Variants in ATP6V0D1 observed in about 807,000 individuals in gnomAD.
ATP6V0D1 encodes ATPase H+ transporting V0 subunit d1, also known as V-type proton ATPase subunit d 1.
In ATP6V0D1, 13 loss-of-function variants were observed where a neutral mutation model predicts 39.0. The observed-to-expected ratio is 0.33, with a 90% CI of 0.22 to 0.53. ATP6V0D1 has a LOEUF of 0.53. ATP6V0D1 is among the 20% of genes least tolerant of loss of function. ATP6V0D1 has a pLI of 0.94. For synonymous variants in ATP6V0D1, 191 were observed against 191.2 expected, an observed-to-expected ratio of 1.00 and a Z score of 0.01; for missense variants, 272 against 470.9, an observed-to-expected ratio of 0.58 and a Z score of 3.91.
intron 2 of ATP6V0D1, among the ~76,000 whole-genome samples, chr16:67,445,198 G>A (rs1251452771): frequency 6.6e-6 from 1 of 152,222 alleles, no homozygotes; most frequent in South Asian, 2.1e-4. Flanking sequence ...GGCATGGTCA[G>A]GACTGGCAGA....
Position 67,444,776 on chromosome 16 carries a change from C to G in ATP6V0D1, c.303-70G>C. On this transcript the variant is annotated intron_variant, in intron 2 of 7. Transcript: ENST00000290949. This position sits in a 1 kb window ranked among gnomAD's most constrained non-coding sequence, Gnocchi z 4.8. ...CGGGAAGTCCTGGCATAGCACCATG[C>G]CCTCGCCCGCCTGCACAGGCCATCA... 1 of 1,395,534 alleles carries G rather than the reference C, an allele frequency of 7.2e-7. No individual in the cohort carries two copies. 86.4% of individuals were successfully genotyped at this position (1,395,534 alleles called of 1,614,324 possible). A position where few individuals can be genotyped will look rare whatever the true frequency, so the allele number is the denominator to read the frequency against.
chr16:67,448,321 C>A (rs2041140480), intron 2 of ATP6V0D1, among the ~76,000 whole-genome samples: 1 of 151,324 alleles, frequency 6.6e-6, no homozygotes, highest in African/African-American at 2.4e-5. Context: ...CCACTGCACT[C>A]CAGCCTGGGC....
At chr16:67,446,063 C>A in intron 2 of ATP6V0D1, 1 of 416,484 alleles carries the variant, frequency 2.4e-6, no homozygotes, top group Non-Finnish European at 4.9e-6. Context: ...TAGGCCCCTG[C>A]CCTGTGACAG....
At position 67,447,110 on chromosome 16, in the gene ATP6V0D1, C is replaced by T. The variant is rs115758180; in HGVS notation, c.303-2404G>A. 7.4e-3 allele frequency among the ~76,000 whole-genome samples: 1,124 copies of T among 152,316 alleles called. 16 individuals are homozygous for T. Among genetic ancestry groups the T allele is most frequent in the African/African-American group, 0.026 (1,076 of 41,560 alleles). ...CGTCCCCCTCCTTGCGCCCCCCACTCAGGGCATCTGTTTATGTGGGGGAAA... is the reference window on the plus strand; with the variant it reads ...CGTCCCCCTCCTTGCGCCCCCCACTTAGGGCATCTGTTTATGTGGGGGAAA... On this transcript the variant is annotated intron_variant, in intron 2 of 7. Transcript: ENST00000290949. This position sits in a 1 kb window ranked among gnomAD's most constrained non-coding sequence, Gnocchi z 4.1.
chr16:67,478,873 A>AG (rs1403503652), intron 1 of ATP6V0D1, among the ~76,000 whole-genome samples: 1 of 152,204 alleles, frequency 6.6e-6, no homozygotes, highest in Non-Finnish European at 1.5e-5. Flanking sequence ...AGCGGACAGC[A>AG]GCAGGAGTGA....
chr16:67,445,508 C>T (rs2041105220), intron 2 of ATP6V0D1, among the ~76,000 whole-genome samples: 1 of 152,204 alleles, frequency 6.6e-6, no homozygotes, highest in African/African-American at 2.4e-5. Flanking sequence ...CAGACCTGCA[C>T]AGCCTATGCC....
intron 1 of ATP6V0D1, among the ~76,000 whole-genome samples, chr16:67,462,518 T>C (rs999217593): frequency 2.0e-5 from 3 of 152,232 alleles, no homozygotes; most frequent in African/African-American, 7.2e-5. Flanking sequence ...GTTATGGCAA[T>C]GTGCTGTGCT....
At chr16:67,480,045 A>G (rs1164379836) in intron 1 of ATP6V0D1, among the ~76,000 whole-genome samples, 1 of 131,266 alleles carries the variant, frequency 7.6e-6, no homozygotes, top group South Asian at 2.2e-4. Flanking sequence ...TAAAAATACA[A>G]AAAATTAGCC....
At chr16:67,439,707 C>T (rs2142295236) in intron 4 of ATP6V0D1, 1 of 308,780 alleles carries the variant, frequency 3.2e-6, no homozygotes, top group Non-Finnish European at 6.2e-6. Context: ...TCTTTCCAAA[C>T]CTCCCCTTCC....
rs1244665625 is a variant in ATP6V0D1, at chr16:67,463,594, AAAGAAAAAAG to A, written c.131-9889_131-9880del. Among the ~76,000 whole-genome samples the A allele has an allele frequency of 6.8e-4, 104 of 152,286 alleles. 1 individual carries two copies. The South Asian group carries it at 0.011, about 17-fold the overall frequency. On this transcript the variant is annotated intron_variant, in intron 1 of 7. Transcript: ENST00000290949. ...GAAGGGGAAAAAAAAAAAGAAAGAA[AAAGAAAAAAG>A]AAGAAAAAAGAAACTGGACAGAGCA...
chr16:67,478,951 A>G (rs2041440079), intron 1 of ATP6V0D1, among the ~76,000 whole-genome samples: 1 of 152,152 alleles, frequency 6.6e-6, no homozygotes, highest in Admixed American at 6.5e-5. Flanking sequence ...CCTTAGATTT[A>G]GGCAAATAAA....
At chr16:67,438,947 T>C in intron 6 of ATP6V0D1, 24 bp downstream of exon 6, 1 of 1,613,470 alleles carries the variant, frequency 6.2e-7, no homozygotes. Context: ...ATCCAACCGC[T>C]GTCCTGCCAG....
chr16:67,451,282 C>T (rs774176292), intron 2 of ATP6V0D1, among the ~76,000 whole-genome samples: 5 of 152,106 alleles, frequency 3.3e-5, no homozygotes, highest in Non-Finnish European at 7.3e-5. Context: ...ATGAGTCGGG[C>T]GGCCAAGAGA....
intron 7 of ATP6V0D1, 28 bp from the exon 8 acceptor site, chr16:67,438,717 A>G (rs2041007331): frequency 6.2e-7 from 1 of 1,614,066 alleles, no homozygotes; most frequent in South Asian, 1.1e-5. Context: ...TGTGGTGTCC[A>G]GGTGGCCATG....
chr16:67,459,749 G>A (rs1232608985), intron 1 of ATP6V0D1, among the ~76,000 whole-genome samples: 1 of 152,242 alleles, frequency 6.6e-6, no homozygotes, highest in Non-Finnish European at 1.5e-5. Context: ...GGCTTTTTCA[G>A]CCCCCAGGCC....
Position 67,453,765 on chromosome 16 carries a change from A to G in ATP6V0D1, c.131-50T>C. 6.3e-7 allele frequency: 1 copy of G among 1,586,624 alleles called. No individual in the cohort carries two copies. Among genetic ancestry groups the G allele is most frequent in the Non-Finnish European group, 8.6e-7 (1 of 1,163,500 alleles). On this transcript the variant is annotated intron_variant, in intron 1 of 7. Transcript: ENST00000290949. This position sits in a 1 kb window ranked among gnomAD's most constrained non-coding sequence, Gnocchi z 4.1. ...GGGCTAGCCTTGCTGGGCCTCCCCA[A>G]GGGTCCCAAGTCCCCATCCCCACCC...
chr16:67,443,723 C>G (rs1283046495), intron 3 of ATP6V0D1, among the ~76,000 whole-genome samples: 3 of 152,178 alleles, frequency 2.0e-5, no homozygotes, highest in Non-Finnish European at 4.4e-5. Flanking sequence ...CCTGCAGACT[C>G]ACTGGTCTAT....
rs189563794 is a variant in ATP6V0D1, at chr16:67,454,239, C to T, written c.131-524G>A. 4.1e-3 allele frequency among the ~76,000 whole-genome samples: 629 copies of T among 152,264 alleles called. 4 individuals carry two copies. The highest frequency in any genetic ancestry group is 5.8e-3 in the Non-Finnish European group (396 of 68,012). ...ATGAGAAGGCCACAAAAGGCTGGGC[C>T]ACAGCAAAGGGCAGGGGCAAGAAAG... is the stretch of plus-strand genomic sequence containing the variant. On this transcript the variant is annotated intron_variant, in intron 1 of 7. Coordinates refer to ENST00000290949, the MANE Select transcript of ATP6V0D1 (RefSeq NM_004691.5).
At chr16:67,466,479 A>G (rs1232626327) in intron 1 of ATP6V0D1, among the ~76,000 whole-genome samples, 2 of 151,862 alleles carry the variant, frequency 1.3e-5, no homozygotes, top group African/African-American at 2.4e-5. Context: ...CGGTGAGCCA[A>G]GATTGTGCCA....
Sources: allele counts gnomAD v4.1 joint callset (sites outside exome capture counted in the v4.1 genomes callset), GRCh38; gene constraint gnomAD v4.1.1; non-coding constraint Gnocchi (gnomAD v3.1); transcripts MANE v1.5; gene names NCBI Gene and HGNC (gene_info 2026-07-23, HGNC 2026-07-21).